Variants in RAD51B observed in about 807,000 individuals in gnomAD.
RAD51B encodes RAD51 paralog B.
Under a neutral mutation model 42.2 loss-of-function variants are expected in RAD51B, and 38 were observed. That is an observed-to-expected ratio of 0.90 (90% CI 0.70 to 1.18). The LOEUF (loss-of-function observed/expected upper bound fraction) is 1.18. Ranked by LOEUF, RAD51B falls within the 50% of genes most tolerant of loss-of-function variation. The pLI is 0.00. For synonymous variants in RAD51B, 154 were observed against 145.2 expected (o/e 1.06, Z -0.43); for missense variants, 373 against 400.7 (o/e 0.93, Z 0.59).
intron 7 of RAD51B, among the ~76,000 whole-genome samples, chr14:68,248,758 G>A (rs1336305567): frequency 1.3e-5 from 2 of 152,210 alleles, no homozygotes. Flanking sequence ...ATGCTTCCAA[G>A]ATACTGTCTT....
intron 7 of RAD51B, among the ~76,000 whole-genome samples, chr14:68,251,652 T>A (rs1163625846): frequency 6.6e-6 from 1 of 152,236 alleles, no homozygotes; most frequent in Non-Finnish European, 1.5e-5. Context: ...CCATGTCTGC[T>A]GGGTCCATTA....
chr14:68,469,444 G>A (rs1201261190), intron 10 of RAD51B, among the ~76,000 whole-genome samples: 1 of 152,216 alleles, frequency 6.6e-6, no homozygotes. Flanking sequence ...GGACTCTCAG[G>A]TCCACGAAAT....
chr14:68,413,992 A>G (rs1024168731), intron 9 of RAD51B, among the ~76,000 whole-genome samples: 1 of 151,912 alleles, frequency 6.6e-6, no homozygotes, highest in African/African-American at 2.4e-5. Flanking sequence ...AGGTTATGGG[A>G]TGAGGATTAT....
chr14:68,012,386 G>T (rs2140332128), intron 7 of RAD51B, among the ~76,000 whole-genome samples: 1 of 152,086 alleles, frequency 6.6e-6, no homozygotes, highest in Admixed American at 6.6e-5. Context: ...AGTTAAGAAT[G>T]GGTTTATAGT....
chr14:68,667,839 A>G (rs766869058), intron 11 of RAD51B, among the ~76,000 whole-genome samples: 107 of 152,216 alleles, frequency 7.0e-4, no homozygotes, highest in Non-Finnish European at 1.1e-3. Flanking sequence ...ACCATGCCAG[A>G]AAAACACTTA....
intron 7 of RAD51B, among the ~76,000 whole-genome samples, chr14:68,136,730 A>G (rs28573185): frequency 0.24 from 15,637 of 66,462 alleles, 5,825 homozygotes; most frequent in East Asian, 0.77. Context: ...ATTAAGATAG[A>G]TATTATTAAC....
At chr14:68,672,978 G>T (rs1378613429) in intron 11 of RAD51B, among the ~76,000 whole-genome samples, 1 of 152,160 alleles carries the variant, frequency 6.6e-6, no homozygotes, top group African/African-American at 2.4e-5. Flanking sequence ...CTACTAGGTG[G>T]GTTTTTTGCT....
chr14:68,384,520 G>A (rs530698148), intron 8 of RAD51B, among the ~76,000 whole-genome samples: 1 of 152,314 alleles, frequency 6.6e-6, no homozygotes, highest in East Asian at 1.9e-4. Flanking sequence ...TCCCAGAGTG[G>A]CAAGGCTGGC....
At chr14:68,166,855 T>C (rs997700082) in intron 7 of RAD51B, among the ~76,000 whole-genome samples, 5 of 152,112 alleles carry the variant, frequency 3.3e-5, no homozygotes, top group Non-Finnish European at 7.4e-5. Flanking sequence ...GGAATATCTA[T>C]CCACCCCATC....
chr14:68,101,359 A>AG (rs2077286087), intron 7 of RAD51B, among the ~76,000 whole-genome samples: 1 of 152,228 alleles, frequency 6.6e-6, no homozygotes, highest in Non-Finnish European at 1.5e-5. Flanking sequence ...CAAAAGTCCA[A>AG]GTCCAAAGTC....
intron 5 of RAD51B, among the ~76,000 whole-genome samples, chr14:67,876,905 T>C (rs1405900958): frequency 6.6e-6 from 1 of 152,170 alleles, no homozygotes; most frequent in East Asian, 1.9e-4. Flanking sequence ...ATAAAGCTCT[T>C]AATAGGTTTT....
At chr14:68,639,326 C>T (rs968594023) in intron 10 of RAD51B, among the ~76,000 whole-genome samples, 1 of 152,202 alleles carries the variant, frequency 6.6e-6, no homozygotes, top group African/African-American at 2.4e-5. Context: ...CAACATGTGG[C>T]TCCACGGTCA....
At chr14:68,167,503 G>C (rs781447582) in intron 7 of RAD51B, among the ~76,000 whole-genome samples, 1 of 151,992 alleles carries the variant, frequency 6.6e-6, no homozygotes, top group Non-Finnish European at 1.5e-5. Context: ...GCCTTTCAAC[G>C]TCCAGCTCAG....
intron 10 of RAD51B, among the ~76,000 whole-genome samples, chr14:68,620,037 CCTCT>C (rs139576473): frequency 6.6e-6 from 1 of 151,770 alleles, no homozygotes; most frequent in African/African-American, 2.4e-5. Flanking sequence ...CCGGGGTTAG[CCTCT>C]CTCTCTCTCC....
intron 7 of RAD51B, among the ~76,000 whole-genome samples, chr14:68,167,239 A>C (rs1449493313): frequency 6.6e-6 from 1 of 152,258 alleles, no homozygotes; most frequent in Non-Finnish European, 1.5e-5. Flanking sequence ...AGTCACACTG[A>C]AAGTTTGTGG....
intron 10 of RAD51B, among the ~76,000 whole-genome samples, chr14:68,621,727 CTT>C (rs1300166548): frequency 2.6e-5 from 4 of 152,220 alleles, no homozygotes; most frequent in African/African-American, 7.2e-5. Context: ...AAAAAGTTGT[CTT>C]TTCTCCTGTT....
At chr14:68,528,292 C>A (rs959620632) in intron 10 of RAD51B, among the ~76,000 whole-genome samples, 1 of 152,158 alleles carries the variant, frequency 6.6e-6, no homozygotes, top group African/African-American at 2.4e-5. Context: ...TGCCAGGAAG[C>A]CTTAAACAAA....
intron 8 of RAD51B, among the ~76,000 whole-genome samples, chr14:68,350,944 C>G (rs941611910): frequency 7.9e-5 from 12 of 152,188 alleles, no homozygotes; most frequent in African/African-American, 1.4e-4. Flanking sequence ...GTGTGACTAT[C>G]CAACATGGCA....
At chr14:68,606,499 T>A (rs1190233234) in intron 10 of RAD51B, among the ~76,000 whole-genome samples, 1 of 152,204 alleles carries the variant, frequency 6.6e-6, no homozygotes, top group Non-Finnish European at 1.5e-5. Context: ...AAAAAAAGAT[T>A]TCATTATGTT....
Sources: allele counts gnomAD v4.1 joint callset (sites outside exome capture counted in the v4.1 genomes callset), GRCh38; gene constraint gnomAD v4.1.1; transcripts MANE v1.5; gene names NCBI Gene and HGNC (gene_info 2026-07-23, HGNC 2026-07-21).